The following KIAA0232 variants were observed in gnomAD, a reference collection of about 807,000 sequenced individuals.
KIAA0232 encodes uncharacterized protein KIAA0232.
Under a neutral mutation model 122.0 loss-of-function variants are expected in KIAA0232, and 27 were observed. The observed-to-expected ratio is 0.22, with a 90% CI of 0.16 to 0.31. The LOEUF is 0.31. Ranked by LOEUF, KIAA0232 falls within the 10% of genes least tolerant of loss-of-function variation. KIAA0232 has a pLI of 1.00. For missense variants in KIAA0232, 1,551 were observed against 1,634.2 expected, an observed-to-expected ratio of 0.95 and a Z score of 0.88; for synonymous variants, 613 against 587.6, an observed-to-expected ratio of 1.04 and a Z score of -0.63.
At chr4:6,880,193 T>C (rs112278621) in intron 9 of KIAA0232, among the ~76,000 whole-genome samples, 12 of 53,084 alleles carry the variant, frequency 2.3e-4, no homozygotes, top group South Asian at 6.1e-4. Flanking sequence ...GTCTGCAGTG[T>C]CCCCTCACCA....
At chr4:6,877,618 G>A (rs914345346) in intron 9 of KIAA0232, among the ~76,000 whole-genome samples, 3 of 152,166 alleles carry the variant, frequency 2.0e-5, no homozygotes, top group African/African-American at 7.2e-5. Context: ...GGAGTCCGAT[G>A]TTCGAGGGCA....
intron 4 of KIAA0232, among the ~76,000 whole-genome samples, chr4:6,848,481 A>G (rs763814251): frequency 1.3e-5 from 2 of 152,236 alleles, no homozygotes; most frequent in Non-Finnish European, 2.9e-5. Context: ...TAAAAAATAC[A>G]GTATGACAAC....
chr4:6,843,416 C>T (rs965590416), intron 4 of KIAA0232, among the ~76,000 whole-genome samples: 1 of 152,190 alleles, frequency 6.6e-6, no homozygotes, highest in Non-Finnish European at 1.5e-5. Context: ...GCCACTGATG[C>T]AAACGGTTTT....
At chr4:6,849,521 C>G (rs1487975911) in intron 4 of KIAA0232, among the ~76,000 whole-genome samples, 1 of 152,132 alleles carries the variant, frequency 6.6e-6, no homozygotes, top group East Asian at 1.9e-4. Flanking sequence ...GAGGCTGAGA[C>G]AGGAGAATCA....
At chr4:6,838,017 T>C (rs1299633230) in intron 3 of KIAA0232, among the ~76,000 whole-genome samples, 1 of 152,178 alleles carries the variant, frequency 6.6e-6, no homozygotes, top group East Asian at 1.9e-4. Flanking sequence ...ATTAGCCCTT[T>C]GTCAGATGGA....
chr4:6,866,268 G>A (rs1721177541), intron 7 of KIAA0232: 1 of 976,882 alleles, frequency 1.0e-6, no homozygotes, highest in Non-Finnish European at 1.2e-6. Flanking sequence ...TTTCTAGTAT[G>A]TTGATGTATT....
chr4:6,830,683 A>G (rs1718926312), intron 3 of KIAA0232, among the ~76,000 whole-genome samples: 2 of 152,078 alleles, frequency 1.3e-5, no homozygotes, highest in Non-Finnish European at 2.9e-5. Context: ...CTGGGATTAT[A>G]GGTGTGAGCT....
chr4:6,861,971 A>G lies in KIAA0232; in HGVS notation c.1589A>G (p.Glu530Gly). The change falls in exon 7 of 10, where the codon GAA (glutamate) becomes GGA (glycine). Residue 530 changes from glutamate to glycine, a missense_variant. By Grantham distance (98) the Glu-to-Gly change is moderately conservative. Transcript: ENST00000307659. The part of the protein sequence containing the change: ...DPGASETMQG[E>G]SRILNMIRQK... ...GGTGCCTCAGAAACAATGCAAGGAG[A>G]AAGTCGGATTTTGAATATGATTCGA... The G allele has an allele frequency of 6.2e-7, 1 of 1,614,176 alleles. No homozygotes were observed. Among genetic ancestry groups the G allele is most frequent in the Non-Finnish European group, 8.5e-7 (1 of 1,180,020 alleles).
intron 9 of KIAA0232, among the ~76,000 whole-genome samples, chr4:6,878,747 G>A (rs551958309): frequency 2.6e-5 from 4 of 152,088 alleles, no homozygotes; most frequent in East Asian, 1.9e-4. Context: ...GTAGTTTCCC[G>A]TTAACTTGAA....
chr4:6,875,713 T>C (rs1466801328), intron 8 of KIAA0232, among the ~76,000 whole-genome samples: 3 of 152,210 alleles, frequency 2.0e-5, no homozygotes, highest in South Asian at 4.2e-4. Flanking sequence ...TTTGAGGAAG[T>C]AGATGCTCAA....
At chr4:6,798,439 C>T (rs1717232621) in intron 1 of KIAA0232, among the ~76,000 whole-genome samples, 1 of 152,208 alleles carries the variant, frequency 6.6e-6, no homozygotes, top group Non-Finnish European at 1.5e-5. Context: ...TGTAGTGTAG[C>T]ATTGGCTACT....
chr4:6,837,759 A>G (rs1454057588), intron 3 of KIAA0232, among the ~76,000 whole-genome samples: 1 of 152,194 alleles, frequency 6.6e-6, no homozygotes, highest in Non-Finnish European at 1.5e-5. Flanking sequence ...CAAAAAATAC[A>G]AAAACCAGTC....
chr4:6,809,818 A>G (rs1271031288), intron 2 of KIAA0232, among the ~76,000 whole-genome samples: 2 of 152,152 alleles, frequency 1.3e-5, no homozygotes, highest in Admixed American at 6.5e-5. Flanking sequence ...ATCAAGAAGG[A>G]AGTACCATTT....
intron 2 of KIAA0232, among the ~76,000 whole-genome samples, chr4:6,820,347 C>T (rs1224182203): frequency 1.3e-5 from 2 of 152,124 alleles, no homozygotes; most frequent in Non-Finnish European, 2.9e-5. Context: ...GCTACATCTA[C>T]CAGATTGACA....
chr4:6,836,740 G>A (rs1468510521), intron 3 of KIAA0232, among the ~76,000 whole-genome samples: 1 of 151,396 alleles, frequency 6.6e-6, no homozygotes, highest in East Asian at 1.9e-4. Flanking sequence ...ATTAGGGAGC[G>A]GTGATGACTC....
At chr4:6,877,125 G>T (rs1721798583) in intron 9 of KIAA0232, among the ~76,000 whole-genome samples, 1 of 151,862 alleles carries the variant, frequency 6.6e-6, no homozygotes, top group African/African-American at 2.4e-5. Context: ...GGGAGACCTA[G>T]CCTTGTCCTC....
intron 6 of KIAA0232, among the ~76,000 whole-genome samples, chr4:6,859,497 A>AT (rs1377586876): frequency 3.9e-5 from 6 of 152,056 alleles, no homozygotes; most frequent in African/African-American, 9.7e-5. Context: ...GACTATATAT[A>AT]AAAAAAAGTA....
intron 4 of KIAA0232, among the ~76,000 whole-genome samples, chr4:6,853,131 G>A (rs1379298492): frequency 1.3e-5 from 2 of 152,184 alleles, no homozygotes; most frequent in Admixed American, 6.5e-5. Context: ...TCCCTTTCTG[G>A]TGCCTGACTG....
intron 3 of KIAA0232, among the ~76,000 whole-genome samples, chr4:6,839,662 G>A (rs536621326): frequency 6.6e-6 from 1 of 152,188 alleles, no homozygotes; most frequent in Non-Finnish European, 1.5e-5. Context: ...ATGCTGAGGA[G>A]GGGGTAGTCG....
Sources: gnomAD v4.1 joint callset for allele counts (sites outside exome capture counted in the v4.1 genomes callset) on GRCh38, gnomAD v4.1.1 for gene constraint, MANE v1.5 for transcripts, NCBI Gene and HGNC (gene_info 2026-07-23, HGNC 2026-07-21) for gene names.